Variants in LMBR1 observed in about 807,000 individuals in gnomAD.
LMBR1 encodes the protein limb development membrane protein 1.
In LMBR1, 52 loss-of-function variants were observed where a neutral mutation model predicts 73.9. That is an observed-to-expected ratio of 0.70 (90% CI 0.56 to 0.89). LMBR1 has a LOEUF of 0.89. Among genes scored for constraint, LMBR1 ranks in the 40% least tolerant of loss-of-function variants. The pLI is 0.00. For synonymous variants in LMBR1, 215 were observed against 209.4 expected (o/e 1.03, Z -0.23); for missense variants, 539 against 579.8 (o/e 0.93, Z 0.72).
At chr7:156,855,019 C>T (rs141741718) in intron 1 of LMBR1, among the ~76,000 whole-genome samples, 9 of 152,246 alleles carry the variant, frequency 5.9e-5, no homozygotes, top group African/African-American at 1.9e-4. Flanking sequence ...ACATCGTATC[C>T]GGCTTCCCAC....
At chr7:156,729,382 A>G (rs1423581111) in intron 10 of LMBR1, among the ~76,000 whole-genome samples, 1 of 151,572 alleles carries the variant, frequency 6.6e-6, no homozygotes, top group Non-Finnish European at 1.5e-5. Flanking sequence ...ACGAATACTG[A>G]GGGCTATATT....
intron 9 of LMBR1, among the ~76,000 whole-genome samples, chr7:156,755,141 A>T (rs17837691): frequency 0.078 from 11,813 of 152,278 alleles, 527 homozygotes; most frequent in East Asian, 0.15. Flanking sequence ...TAACATTTCT[A>T]TGCCAGTGAG....
chr7:156,782,084 T>C (rs1313436823), intron 5 of LMBR1, among the ~76,000 whole-genome samples: 2 of 152,260 alleles, frequency 1.3e-5, no homozygotes, highest in African/African-American at 4.8e-5. Flanking sequence ...TCATATAGAA[T>C]TTGTCCTTTT....
intron 9 of LMBR1, among the ~76,000 whole-genome samples, chr7:156,748,170 A>C (rs765037740): frequency 8.5e-5 from 13 of 152,208 alleles, no homozygotes; most frequent in Non-Finnish European, 1.0e-4. Context: ...ATGGCTATTG[A>C]CCTAGTAATG....
At chr7:156,885,150 C>G (rs1399321228) in intron 1 of LMBR1, among the ~76,000 whole-genome samples, 1 of 151,800 alleles carries the variant, frequency 6.6e-6, no homozygotes, top group Non-Finnish European at 1.5e-5. Context: ...GTCAGGAGTT[C>G]AAGACCAGCT....
At chr7:156,846,637 C>T (rs1233403257) in intron 1 of LMBR1, among the ~76,000 whole-genome samples, 6 of 151,924 alleles carry the variant, frequency 3.9e-5, no homozygotes, top group South Asian at 2.1e-4. Context: ...ACATTCAGTG[C>T]GATTACAATT....
Position 156,683,839 on chromosome 7 carries a change from C to G in LMBR1, c.*239G>C. 2.2e-6 allele frequency: 1 copy of G among 460,800 alleles called. No individual in the cohort carries two copies. The highest frequency in any genetic ancestry group is 3.8e-6 in the Non-Finnish European group (1 of 261,664). 28.5% of individuals were successfully genotyped at this position (460,800 alleles called of 1,614,324 possible). On this transcript the variant is annotated 3_prime_UTR_variant, in exon 17 of 17. Transcript: ENST00000353442. ...AATGTCTACAGAAGAATGCGCTGTT[C>G]TATATGTCTGTAAGGAATCTGCACT...
intron 9 of LMBR1, among the ~76,000 whole-genome samples, chr7:156,751,219 A>C (rs1585552472): frequency 6.6e-6 from 1 of 152,200 alleles, no homozygotes; most frequent in South Asian, 2.1e-4. Context: ...GCTATAGAAA[A>C]AAATAATGCA....
intron 6 of LMBR1, 81 bp from the exon 7 acceptor site, chr7:156,763,257 G>A (rs1461646752): frequency 3.3e-6 from 2 of 601,954 alleles, no homozygotes; most frequent in Non-Finnish European, 5.7e-6. Context: ...CGATAAGATA[G>A]AGGCTGACTG....
Position 156,684,315 on chromosome 7 carries a change from C to A in LMBR1, c.1388-152G>T. 6.1e-6 allele frequency: 4 copies of A among 653,952 alleles called. No homozygotes were observed. In the South Asian group the frequency reaches 7.5e-5, roughly 12 times the overall value. 40.5% of individuals were successfully genotyped at this position (653,952 alleles called of 1,614,324 possible). On this transcript the variant is annotated intron_variant, in intron 16 of 16. Coordinates refer to ENST00000353442, the MANE Select transcript of LMBR1 (RefSeq NM_022458.4). ...GATCCCCTTGAGGAATGAATGATTT[C>A]TTCTCCCTACTGGCAACCTCCCTTT...
intron 15 of LMBR1, among the ~76,000 whole-genome samples, chr7:156,718,744 A>G (rs1024343949): frequency 1.2e-4 from 19 of 152,220 alleles, no homozygotes; most frequent in Non-Finnish European, 2.5e-4. Flanking sequence ...TTCAGAAAAA[A>G]GAAAACAAAC....
At chr7:156,768,292 G>A (rs899219094) in intron 5 of LMBR1, among the ~76,000 whole-genome samples, 1 of 151,902 alleles carries the variant, frequency 6.6e-6, no homozygotes, top group African/African-American at 2.4e-5. Context: ...GGGAGGCGGA[G>A]GTTGCGTTGC....
At chr7:156,814,199 T>C (rs1833543578) in intron 4 of LMBR1, among the ~76,000 whole-genome samples, 1 of 152,232 alleles carries the variant, frequency 6.6e-6, no homozygotes, top group South Asian at 2.1e-4. Flanking sequence ...CAGATCTCTT[T>C]TTCTTTCTAC....
intron 1 of LMBR1, among the ~76,000 whole-genome samples, chr7:156,874,295 G>C (rs1354642763): frequency 6.6e-6 from 1 of 152,210 alleles, no homozygotes; most frequent in Admixed American, 6.5e-5. Flanking sequence ...TGGCTGCTCC[G>C]AGTGCGGGGC....
intron 4 of LMBR1, among the ~76,000 whole-genome samples, chr7:156,813,608 A>G (rs958322527): frequency 6.6e-6 from 1 of 152,190 alleles, no homozygotes; most frequent in Middle Eastern, 3.2e-3. Context: ...CTATTCCAGT[A>G]TACATTTCTA....
chr7:156,784,236 G>T (rs139925186), intron 5 of LMBR1, among the ~76,000 whole-genome samples: 1 of 152,162 alleles, frequency 6.6e-6, no homozygotes, highest in Non-Finnish European at 1.5e-5. Context: ...CTCTCACGGT[G>T]TTGGCTTTTC....
chr7:156,850,093 A>G (rs570697311), intron 1 of LMBR1, among the ~76,000 whole-genome samples: 3 of 152,352 alleles, frequency 2.0e-5, no homozygotes, highest in Admixed American at 6.5e-5. Flanking sequence ...TTCCCAATGC[A>G]ACAGTGTTGA....
At chr7:156,765,277 T>C (rs1013069869) in intron 5 of LMBR1, among the ~76,000 whole-genome samples, 5 of 152,184 alleles carry the variant, frequency 3.3e-5, no homozygotes, top group African/African-American at 9.6e-5. Flanking sequence ...AACTGAATCA[T>C]AGGGGTGGTT....
At chr7:156,855,098 A>C (rs949354869) in intron 1 of LMBR1, among the ~76,000 whole-genome samples, 2 of 152,224 alleles carry the variant, frequency 1.3e-5, no homozygotes, top group Admixed American at 1.3e-4. Flanking sequence ...CCAGACTCAC[A>C]TATGACAGAG....
Sources: allele counts gnomAD v4.1 joint callset (sites outside exome capture counted in the v4.1 genomes callset), GRCh38; gene constraint gnomAD v4.1.1; transcripts MANE v1.5; gene names NCBI Gene and HGNC (gene_info 2026-07-23, HGNC 2026-07-21).